Variants in TSC22D1 observed in about 807,000 individuals in gnomAD.
TSC22D1 encodes TSC22 domain family protein 1.
A neutral mutation model predicts 74.2 loss-of-function variants in TSC22D1; 9 were observed. The ratio of observed to expected loss-of-function variants is 0.12; its 90% CI spans 0.07 to 0.21. The LOEUF is 0.21. Ranked by LOEUF, TSC22D1 falls within the 10% of genes least tolerant of loss-of-function variation. The pLI is 1.00. For missense variants in TSC22D1, 1,427 were observed against 1,304.7 expected, an observed-to-expected ratio of 1.09 and a Z score of -1.44; for synonymous variants, 586 against 492.5, an observed-to-expected ratio of 1.19 and a Z score of -2.51.
chr13:44,501,762 A>G (rs1879227829), intron 1 of TSC22D1, among the ~76,000 whole-genome samples: 1 of 152,208 alleles, frequency 6.6e-6, no homozygotes, highest in Non-Finnish European at 1.5e-5. Context: ...AAATTTACTA[A>G]TATCATATTG....
intron 1 of TSC22D1, among the ~76,000 whole-genome samples, chr13:44,572,472 C>T (rs1169617387): frequency 2.0e-5 from 3 of 152,190 alleles, no homozygotes; most frequent in Non-Finnish European, 4.4e-5. Context: ...ATGGCTACCA[C>T]CTTGATCTAC....
intron 1 of TSC22D1, among the ~76,000 whole-genome samples, chr13:44,498,961 T>TA (rs796565328): frequency 4.3e-4 from 65 of 151,442 alleles, no homozygotes; most frequent in African/African-American, 1.2e-3. Flanking sequence ...TAAGGAAATG[T>TA]AAAAAAAAAT....
At chr13:44,453,951 T>C (rs556178808) in intron 1 of TSC22D1, among the ~76,000 whole-genome samples, 12 of 152,200 alleles carry the variant, frequency 7.9e-5, no homozygotes, top group Non-Finnish European at 1.5e-4. Flanking sequence ...AATGAATTCC[T>C]TTGTTTCATT....
chr13:44,544,316 C>A, intron 1 of TSC22D1, among the ~76,000 whole-genome samples: 1 of 146,366 alleles, frequency 6.8e-6, no homozygotes, highest in Admixed American at 6.8e-5. Flanking sequence ...TATCCAATTT[C>A]AAAAAGGGAG....
chr13:44,507,384 AAT>A (rs1879493146), intron 1 of TSC22D1, among the ~76,000 whole-genome samples: 1 of 152,158 alleles, frequency 6.6e-6, no homozygotes, highest in Admixed American at 6.5e-5. Flanking sequence ...GCGTCAGAGT[AAT>A]ACATTATACT....
At chr13:44,437,240 C>T in intron 1 of TSC22D1, 1 of 985,540 alleles carries the variant, frequency 1.0e-6, no homozygotes, top group Non-Finnish European at 1.2e-6. Flanking sequence ...GCGAAAGCTT[C>T]CTATTTGTAA....
chr13:44,515,001 C>T (rs1240047005), intron 1 of TSC22D1, among the ~76,000 whole-genome samples: 1 of 152,134 alleles, frequency 6.6e-6, no homozygotes, highest in East Asian at 1.9e-4. Context: ...GATAAGGCAG[C>T]AGGAAAAGAG....
At chr13:44,460,402 G>T (rs915152787) in intron 1 of TSC22D1, among the ~76,000 whole-genome samples, 2 of 152,174 alleles carry the variant, frequency 1.3e-5, no homozygotes, top group African/African-American at 4.8e-5. Context: ...ATAATTATCT[G>T]GAGAAGCAAT....
At chr13:44,436,899 G>T in intron 1 of TSC22D1, 2 of 1,106,064 alleles carry the variant, frequency 1.8e-6, no homozygotes, top group Non-Finnish European at 2.2e-6. Context: ...GCAGGAAAGA[G>T]CTGCGCCGAT....
Position 44,573,876 on chromosome 13 carries a change from A to T in TSC22D1, c.2199T>A (p.Gly733=), listed in dbSNP as rs770927671. 3.7e-6 allele frequency: 6 copies of T among 1,614,182 alleles called. No homozygotes were observed. Among genetic ancestry groups the T allele is most frequent in the Non-Finnish European group, 5.1e-6 (6 of 1,180,024 alleles). ...CTGCAGTAGGTATGTTTGCTTGCTG[A>T]CCAATATTTGCAATCTGACTGCCAG... ...VPTGSQIANI[G]QQANIPTAVQ... is the part of the protein sequence containing the mutation. The change falls in exon 1 of 3, where the codon GGT becomes GGA. Residue 733 remains glycine (G), a synonymous_variant. Coordinates refer to ENST00000458659, the MANE Select transcript of TSC22D1 (RefSeq NM_183422.4).
rs1470156149 is a variant in TSC22D1 at position 44,517,843 on chromosome 13, A to G, written c.2912+55320T>C. 4.5e-4 allele frequency among the ~76,000 whole-genome samples: 10 copies of G among 22,316 alleles called. No individual in the cohort carries two copies. In the Admixed American group the frequency reaches 5.0e-3, roughly 11 times the overall value. 14.6% of individuals were successfully genotyped at this position (22,316 alleles called of 152,430 possible). ...TGTGTGTGTGTGTATATATATATAT[A>G]TATATATATATATATTTTTTTTTTT... On this transcript the variant is annotated intron_variant, in intron 1 of 2. Coordinates refer to ENST00000458659, the MANE Select transcript of TSC22D1 (RefSeq NM_183422.4).
chr13:44,448,058 C>G lies in TSC22D1; in HGVS notation c.2913-11963G>C, dbSNP rs371100507. 3.9e-5 allele frequency among the ~76,000 whole-genome samples: 6 copies of G among 152,084 alleles called. No individual in the cohort carries two copies. In the East Asian group the frequency reaches 9.7e-4, roughly 24 times the overall value. The stretch of plus-strand genomic sequence containing the variant: ...CTTAATAGTGGTAGATTATGAAAAT[C>G]TGGAGCCACAGACAAAAAAGGAATC... On this transcript the variant is annotated intron_variant, in intron 1 of 2. Transcript: ENST00000458659.
chr13:44,434,760 G>A lies in TSC22D1; in HGVS notation c.3088C>T (p.Leu1030=), dbSNP rs1190047177. 8.1e-6 allele frequency: 13 copies of A among 1,614,054 alleles called. No homozygotes were observed. Among genetic ancestry groups the A allele is most frequent in the Non-Finnish European group, 1.0e-5 (12 of 1,180,056 alleles). The change falls in exon 3 of 3, where the codon CTG becomes TTG. Residue 1030 remains leucine, a synonymous_variant. Transcript: ENST00000458659. Reference sequence around the variant, plus strand: ...TGGGCAAGCTGCTCAGGACTGGCCAGTGTCTTCAGCAGATTGTTCTCCTGC... The same window carrying A: ...TGGGCAAGCTGCTCAGGACTGGCCAATGTCTTCAGCAGATTGTTCTCCTGC... ...LEQENNLLKT[L]ASPEQLAQFQ...
At chr13:44,481,298 G>A (rs1281059489) in intron 1 of TSC22D1, among the ~76,000 whole-genome samples, 1 of 152,140 alleles carries the variant, frequency 6.6e-6, no homozygotes, top group Admixed American at 6.5e-5. Flanking sequence ...AGGTGGTAAG[G>A]AAAAAGGAAC....
Position 44,574,300 on chromosome 13 carries a change from C to T in TSC22D1, c.1775G>A (p.Gly592Asp), listed in dbSNP as rs763757529. 2 of 1,614,164 alleles carry T rather than the reference C, an allele frequency of 1.2e-6. No individual in the cohort carries two copies. The highest frequency in any genetic ancestry group is 1.7e-6 in the Non-Finnish European group (2 of 1,180,028). ...VNVVGVTSAL[G>D]QQPSISSLAQ... is the part of the protein sequence containing the mutation. The stretch of plus-strand genomic sequence containing the variant: ...CAAACTGGAAATGGAAGGCTGCTGA[C>T]CTAAAGCTGAAGTTACACCAACCAC... The change falls in exon 1 of 3, where the codon GGT becomes GAT. Residue 592 changes from glycine to aspartate, a missense_variant. Around this residue, in one of 3 missense-constraint regions of TSC22D1, gnomAD observed 1,343 missense variants for 1,191.5 expected, o/e 1.13. Coordinates refer to ENST00000458659, the MANE Select transcript of TSC22D1 (RefSeq NM_183422.4).
intron 2 of TSC22D1, chr13:44,435,163 C>G (rs549443770): frequency 6.0e-6 from 2 of 330,684 alleles, no homozygotes; most frequent in Non-Finnish European, 1.1e-5. Flanking sequence ...GAGCCGGGCG[C>G]TGGGTCCCCG....
intron 1 of TSC22D1, among the ~76,000 whole-genome samples, chr13:44,555,342 G>T (rs78200860): frequency 0.015 from 2,323 of 152,014 alleles, 28 homozygotes; most frequent in Non-Finnish European, 0.025. Flanking sequence ...GGCGTGGTGC[G>T]TCATGCCTGT....
In TSC22D1 at chr13:44,573,220, A is replaced by G. The variant is rs1883897372; in HGVS notation, c.2855T>C (p.Leu952Pro). The change falls in exon 1 of 3, where the codon CTT becomes CCT. Residue 952 changes from leucine (L) to proline (P), a missense_variant. Leu to Pro is a moderately conservative substitution (Grantham distance 98, BLOSUM62 -3). Coordinates refer to ENST00000458659, the MANE Select transcript of TSC22D1 (RefSeq NM_183422.4). ...CAGCGGTAGCACCTTCAACGGGAAA[A>G]GAGAAGCAGAGGCTGCTAGGCTGCT... ...SSSSLAASAS[L>P]FPLKVLPLTT... 1 of 1,614,186 alleles carries G rather than the reference A, an allele frequency of 6.2e-7. No individual in the cohort carries two copies. The highest frequency in any genetic ancestry group is 8.5e-7 in the Non-Finnish European group (1 of 1,180,036).
chr13:44,473,863 T>G (rs2094047), intron 1 of TSC22D1, among the ~76,000 whole-genome samples: 10,528 of 152,218 alleles, frequency 0.069, 456 homozygotes, highest in African/African-American at 0.11. Context: ...TTTTACAATT[T>G]TAAGCCAATT....
Sources: gnomAD v4.1 joint callset for allele counts (sites outside exome capture counted in the v4.1 genomes callset) on GRCh38, gnomAD v4.1.1 for gene constraint, gnomAD v4.1.1 regional missense constraint, MANE v1.5 for transcripts, NCBI Gene and HGNC (gene_info 2026-07-23, HGNC 2026-07-21) for gene names.